Variants in BABAM2 observed in about 807,000 individuals in gnomAD.
BABAM2 encodes the protein BRISC and BRCA1-A complex member 2.
BABAM2 carries 31 observed loss-of-function variants against 54.7 expected under a neutral mutation model. That is an observed-to-expected ratio of 0.57 (90% CI 0.43 to 0.77). The LOEUF (loss-of-function observed/expected upper bound fraction) is 0.77. Among genes scored for constraint, BABAM2 ranks in the 30% least tolerant of loss-of-function variants. BABAM2 has a pLI of 0.00. For synonymous variants in BABAM2, 167 were observed against 162.9 expected, an observed-to-expected ratio of 1.03 and a Z score of -0.19; for missense variants, 364 against 455.8, an observed-to-expected ratio of 0.80 and a Z score of 1.83.
intron 3 of BABAM2, among the ~76,000 whole-genome samples, chr2:27,938,138 C>G (rs1158160502): frequency 6.6e-6 from 1 of 152,078 alleles, no homozygotes; most frequent in East Asian, 1.9e-4. Context: ...TATTTCTGGG[C>G]TTTCCATTAA....
At chr2:27,924,595 G>A (rs1471478972) in intron 2 of BABAM2, among the ~76,000 whole-genome samples, 4 of 152,212 alleles carry the variant, frequency 2.6e-5, no homozygotes, top group South Asian at 2.1e-4. Flanking sequence ...TGTTGGCCCC[G>A]CTGGTCTTGA....
At chr2:27,911,639 T>C (rs1172973592) in intron 2 of BABAM2, among the ~76,000 whole-genome samples, 2 of 152,190 alleles carry the variant, frequency 1.3e-5, no homozygotes, top group Non-Finnish European at 2.9e-5. Flanking sequence ...TCATTACTTC[T>C]TGAAATGCAA....
chr2:28,255,150 G>GTT (rs147889917), intron 10 of BABAM2, among the ~76,000 whole-genome samples: 2 of 151,990 alleles, frequency 1.3e-5, no homozygotes, highest in East Asian at 1.9e-4. Context: ...TCAAACGTGG[G>GTT]TTTTTTTTAG....
chr2:28,169,786 A>AG (rs1328501318), intron 7 of BABAM2, among the ~76,000 whole-genome samples: 4 of 152,050 alleles, frequency 2.6e-5, no homozygotes, highest in African/African-American at 9.7e-5. Flanking sequence ...AAAAAAAAAA[A>AG]AAAAAATCCA....
In BABAM2 at chr2:28,261,454, C is replaced by G. The variant is rs553164498; in HGVS notation, c.934+16592C>G. The stretch of plus-strand genomic sequence containing the variant: ...ATGGCATTCTCCTGCCTCAGCCTCC[C>G]GAGTAGCTGGGACTACAGGCGCCCG... On this transcript the variant is annotated intron_variant, in intron 10 of 11. Transcript: ENST00000379624. Among the ~76,000 whole-genome samples the G allele has an allele frequency of 4.8e-3, 734 of 151,898 alleles. 11 individuals are homozygous for G. Among genetic ancestry groups the G allele is most frequent in the African/African-American group, 0.016 (679 of 41,432 alleles).
At chr2:28,232,115 TGA>T (rs1681469296) in intron 7 of BABAM2, among the ~76,000 whole-genome samples, 2 of 152,130 alleles carry the variant, frequency 1.3e-5, no homozygotes, top group African/African-American at 4.8e-5. Context: ...CAGGTGTCTT[TGA>T]GAGTGGTGCT....
At chr2:27,914,850 G>A (rs1666849392) in intron 2 of BABAM2, among the ~76,000 whole-genome samples, 1 of 150,272 alleles carries the variant, frequency 6.7e-6, no homozygotes, top group South Asian at 2.1e-4. Flanking sequence ...TCTACTGATG[G>A]TGATATAAAA....
chr2:28,202,456 T>G (rs1427151243), intron 7 of BABAM2, among the ~76,000 whole-genome samples: 1 of 152,052 alleles, frequency 6.6e-6, no homozygotes, highest in Admixed American at 6.6e-5. Flanking sequence ...CTCAATAGCT[T>G]TATCAAGGAC....
intron 7 of BABAM2, among the ~76,000 whole-genome samples, chr2:28,228,885 A>G (rs992541015): frequency 2.0e-5 from 3 of 152,204 alleles, no homozygotes; most frequent in Non-Finnish European, 4.4e-5. Context: ...CAAACTTACA[A>G]AACACATTTC....
chr2:28,106,264 A>G (rs2148716764), intron 6 of BABAM2, among the ~76,000 whole-genome samples: 1 of 152,300 alleles, frequency 6.6e-6, no homozygotes, highest in Non-Finnish European at 1.5e-5. Context: ...AGAAGAATTC[A>G]GTTTAGTTTT....
intron 5 of BABAM2, among the ~76,000 whole-genome samples, chr2:28,026,774 TAAA>T (rs1159682091): frequency 9.9e-6 from 1 of 100,988 alleles, no homozygotes; most frequent in African/African-American, 4.2e-5. Flanking sequence ...TATAAATATA[TAAA>T]AAAATATAAA....
intron 7 of BABAM2, among the ~76,000 whole-genome samples, chr2:28,161,817 T>G (rs555145244): frequency 6.6e-6 from 1 of 152,220 alleles, no homozygotes; most frequent in Non-Finnish European, 1.5e-5. Context: ...ACTCATCTGT[T>G]GAGTGAGGTA....
At chr2:28,105,422 T>A (rs981695503) in intron 6 of BABAM2, among the ~76,000 whole-genome samples, 20 of 152,184 alleles carry the variant, frequency 1.3e-4, no homozygotes, top group African/African-American at 4.6e-4. Flanking sequence ...CATTCATCTT[T>A]GTCTCTCCCA....
intron 11 of BABAM2, among the ~76,000 whole-genome samples, chr2:28,328,081 G>A (rs1690634007): frequency 6.6e-6 from 1 of 152,152 alleles, no homozygotes; most frequent in African/African-American, 2.4e-5. Context: ...TGGAGGGTTT[G>A]GGGTGAAGGA....
intron 10 of BABAM2, among the ~76,000 whole-genome samples, chr2:28,258,850 C>T (rs1684226240): frequency 6.6e-6 from 1 of 151,864 alleles, no homozygotes; most frequent in African/African-American, 2.4e-5. Flanking sequence ...GATCTCGGCT[C>T]ACTGCAACCT....
chr2:28,271,026 A>G (rs546665016), intron 10 of BABAM2, among the ~76,000 whole-genome samples: 2 of 152,184 alleles, frequency 1.3e-5, no homozygotes, highest in South Asian at 2.1e-4. Flanking sequence ...TGTACAGAAT[A>G]TGTTCCAGAG....
intron 6 of BABAM2, among the ~76,000 whole-genome samples, chr2:28,115,525 C>T (rs976192109): frequency 2.6e-5 from 4 of 151,952 alleles, no homozygotes; most frequent in Non-Finnish European, 5.9e-5. Flanking sequence ...ACTCGGGAGG[C>T]GGAGGCAGGA....
chr2:28,281,561 A>C (rs1329402962), intron 10 of BABAM2, among the ~76,000 whole-genome samples: 1 of 152,120 alleles, frequency 6.6e-6, no homozygotes, highest in Admixed American at 6.6e-5. Context: ...ACTCAAAGTG[A>C]CTCAAAGGTT....
chr2:27,924,843 A>G (rs922354230), intron 2 of BABAM2, among the ~76,000 whole-genome samples: 12 of 152,228 alleles, frequency 7.9e-5, no homozygotes, highest in African/African-American at 2.9e-4. Flanking sequence ...GGTACATGGC[A>G]CTGGCTTGTT....
Sources: gnomAD v4.1 joint callset for allele counts (sites outside exome capture counted in the v4.1 genomes callset) on GRCh38, gnomAD v4.1.1 for gene constraint, MANE v1.5 for transcripts, NCBI Gene and HGNC (gene_info 2026-07-23, HGNC 2026-07-21) for gene names.